Variants in PRKCE observed in about 807,000 individuals in gnomAD.
The protein encoded by PRKCE is protein kinase C epsilon.
PRKCE carries 16 observed loss-of-function variants against 85.4 expected under a neutral mutation model. The ratio of observed to expected loss-of-function variants is 0.19; its 90% confidence interval spans 0.13 to 0.28. The LOEUF is 0.28. Among genes scored for constraint, PRKCE ranks in the 10% least tolerant of loss-of-function variants. PRKCE has a pLI of 1.00. For missense variants in PRKCE, 573 were observed against 975.2 expected, an observed-to-expected ratio of 0.59 and a Z score of 5.49; for synonymous variants, 388 against 371.5, an observed-to-expected ratio of 1.04 and a Z score of -0.51.
intron 1 of PRKCE, among the ~76,000 whole-genome samples, chr2:45,824,306 T>C (rs987082891): frequency 6.6e-6 from 1 of 152,212 alleles, no homozygotes; most frequent in Non-Finnish European, 1.5e-5. Context: ...AAGGAAAGGA[T>C]GAAGTGATCA....
intron 11 of PRKCE, among the ~76,000 whole-genome samples, chr2:46,096,060 T>C (rs1005136491): frequency 1.3e-5 from 2 of 152,232 alleles, no homozygotes; most frequent in African/African-American, 4.8e-5. Context: ...CCCTGTCCTC[T>C]CTGTTGCCAG....
At chr2:46,164,083 G>C (rs1404266210) in intron 14 of PRKCE, among the ~76,000 whole-genome samples, 2 of 152,258 alleles carry the variant, frequency 1.3e-5, no homozygotes, top group Non-Finnish European at 2.9e-5. Context: ...TTGAGGACAT[G>C]TGAGATGCCT....
intron 1 of PRKCE, among the ~76,000 whole-genome samples, chr2:45,761,132 CT>C (rs1684446014): frequency 6.6e-6 from 1 of 152,036 alleles, no homozygotes; most frequent in Non-Finnish European, 1.5e-5. Flanking sequence ...TTGAGACCAT[CT>C]TGGCTAACAC....
chr2:45,840,562 C>A (rs1320289536), intron 1 of PRKCE: 1 of 152,210 alleles, frequency 6.6e-6, no homozygotes, highest in Non-Finnish European at 1.5e-5. Context: ...GTGAGCAGCT[C>A]CCCCGGGGTG....
At chr2:45,699,182 G>A (rs551821797) in intron 1 of PRKCE, among the ~76,000 whole-genome samples, 11 of 151,890 alleles carry the variant, frequency 7.2e-5, no homozygotes, top group South Asian at 2.1e-4. Flanking sequence ...TCTGCTGTTC[G>A]TCCTTAGCAG....
chr2:46,010,101 G>C (rs1241002391), intron 9 of PRKCE, among the ~76,000 whole-genome samples: 1 of 152,216 alleles, frequency 6.6e-6, no homozygotes, highest in Non-Finnish European at 1.5e-5. Flanking sequence ...TAAACATTAT[G>C]TATACATCTT....
intron 10 of PRKCE, among the ~76,000 whole-genome samples, chr2:46,084,031 G>A (rs77030703): frequency 0.01 from 1,550 of 152,248 alleles, 27 homozygotes; most frequent in African/African-American, 0.036. Context: ...TGGGGTTGGC[G>A]AGAGCATTTA....
At chr2:45,937,675 A>G (rs1047690015) in intron 2 of PRKCE, among the ~76,000 whole-genome samples, 1 of 152,094 alleles carries the variant, frequency 6.6e-6, no homozygotes, top group Non-Finnish European at 1.5e-5. Flanking sequence ...AGATCATACC[A>G]CTGCACTCCA....
At chr2:45,891,153 G>C (rs1157190409) in intron 2 of PRKCE, among the ~76,000 whole-genome samples, 1 of 152,124 alleles carries the variant, frequency 6.6e-6, no homozygotes, top group African/African-American at 2.4e-5. Flanking sequence ...TGGCCTAATG[G>C]GATATAGATT....
chr2:45,925,739 C>G (rs770103837), intron 2 of PRKCE, among the ~76,000 whole-genome samples: 1 of 152,264 alleles, frequency 6.6e-6, no homozygotes, highest in Admixed American at 6.5e-5. Flanking sequence ...ATCACCTAGA[C>G]TGAGCTGACT....
At chr2:45,800,339 C>T (rs781516179) in intron 1 of PRKCE, among the ~76,000 whole-genome samples, 2 of 151,216 alleles carry the variant, frequency 1.3e-5, no homozygotes, top group Non-Finnish European at 2.9e-5. Flanking sequence ...GCCCAGGCAG[C>T]AGCCCTTCCA....
chr2:45,755,643 T>G (rs1408459359), intron 1 of PRKCE, among the ~76,000 whole-genome samples: 1 of 152,268 alleles, frequency 6.6e-6, no homozygotes, highest in East Asian at 1.9e-4. Context: ...ATTCTTGATC[T>G]GGATTTTATG....
intron 1 of PRKCE, among the ~76,000 whole-genome samples, chr2:45,748,078 A>C (rs960423777): frequency 2.2e-4 from 33 of 152,228 alleles, no homozygotes; most frequent in African/African-American, 8.0e-4. Flanking sequence ...ACTCCTTATC[A>C]GGTATCTGAT....
intron 1 of PRKCE, among the ~76,000 whole-genome samples, chr2:45,750,040 C>A (rs559244405): frequency 6.6e-6 from 1 of 152,298 alleles, no homozygotes; most frequent in East Asian, 1.9e-4. Context: ...TTTCTAGGCT[C>A]TTAAGCACAA....
rs546052365 is a variant in PRKCE at position 46,104,158 on chromosome 2, C to A, written c.1592+17796C>A. On this transcript the variant is annotated intron_variant, in intron 11 of 14. Transcript: ENST00000306156. ...TTTTTATTCTGGCACTGCTGCTCTA[C>A]TTCTTCTTCCTCATCATCTGGCATT... Among the ~76,000 whole-genome samples, 30 of 152,342 alleles carry A rather than the reference C, an allele frequency of 2.0e-4. 1 individual carries two copies. Among genetic ancestry groups the A allele is most frequent in the African/African-American group, 6.5e-4 (27 of 41,590 alleles).
At chr2:46,002,955 A>G (rs866552813) in intron 7 of PRKCE, among the ~76,000 whole-genome samples, 3 of 152,150 alleles carry the variant, frequency 2.0e-5, no homozygotes, top group African/African-American at 7.2e-5. Context: ...TTTGCGCTAT[A>G]TTTACATGGG....
chr2:45,865,556 C>G (rs754089298), intron 2 of PRKCE, among the ~76,000 whole-genome samples: 2 of 152,108 alleles, frequency 1.3e-5, no homozygotes, highest in African/African-American at 2.4e-5. Context: ...TAGTATTAAG[C>G]GCTGGGGTTT....
At chr2:45,716,695 GA>G in intron 1 of PRKCE, among the ~76,000 whole-genome samples, 1 of 101,012 alleles carries the variant, frequency 9.9e-6, no homozygotes, top group Admixed American at 9.6e-5. Context: ...AGAAGAGAAG[GA>G]AGGAAGGAAG....
At chr2:45,691,083 T>C (rs1350241114) in intron 1 of PRKCE, among the ~76,000 whole-genome samples, 1 of 152,204 alleles carries the variant, frequency 6.6e-6, no homozygotes, top group Non-Finnish European at 1.5e-5. Flanking sequence ...ATTACATACA[T>C]GGGGAGCATT....
Sources: gnomAD v4.1 joint callset for allele counts (sites outside exome capture counted in the v4.1 genomes callset) on GRCh38, gnomAD v4.1.1 for gene constraint, MANE v1.5 for transcripts, NCBI Gene and HGNC (gene_info 2026-07-23, HGNC 2026-07-21) for gene names.